The following GRIK1 variants were observed in gnomAD, a reference collection of about 807,000 sequenced individuals.
GRIK1 encodes glutamate receptor ionotropic, kainate 1.
A neutral mutation model predicts 105.7 loss-of-function variants in GRIK1; 69 were observed. The observed-to-expected ratio is 0.65, with a 90% CI of 0.54 to 0.80. The LOEUF (loss-of-function observed/expected upper bound fraction) is 0.80, where lower values mean the gene tolerates loss of function less well. Ranked by LOEUF, GRIK1 falls within the 30% of genes least tolerant of loss-of-function variation. The probability of loss-of-function intolerance (pLI) is 0.00; values close to 1 mark genes in which losing one functional copy is unlikely to be tolerated. For synonymous variants in GRIK1, 438 were observed against 431.3 expected, an observed-to-expected ratio of 1.02 and a Z score of -0.19; for missense variants, 1,109 against 1,167.3, an observed-to-expected ratio of 0.95 and a Z score of 0.73.
chr21:29,768,697 A>T (rs2065737427), intron 1 of GRIK1, among the ~76,000 whole-genome samples: 1 of 152,244 alleles, frequency 6.6e-6, no homozygotes, highest in Admixed American at 6.5e-5. Context: ...GGGGAGGAAG[A>T]GAGAGGCAGC....
intron 1 of GRIK1, among the ~76,000 whole-genome samples, chr21:29,799,550 G>A (rs986013204): frequency 5.3e-5 from 8 of 151,982 alleles, no homozygotes; most frequent in Middle Eastern, 3.2e-3. Context: ...TGTTTTTTGA[G>A]ATGGAGTCTC....
chr21:29,610,517 TG>T lies in GRIK1; in HGVS notation c.1099-11581del, dbSNP rs569884149. ...AAGATGCTACTTTCAATTGAAAGATTGCTGGCTTTGAGGATGGAGGAAAGGG... is the reference window on the plus strand; with the variant it reads ...AAGATGCTACTTTCAATTGAAAGATTCTGGCTTTGAGGATGGAGGAAAGGG... On this transcript the variant is annotated intron_variant, in intron 7 of 17. Coordinates refer to ENST00000327783, the MANE Select transcript of GRIK1 (RefSeq NM_001330994.2). Among the ~76,000 whole-genome samples, 423 of 152,260 alleles carry T rather than the reference TG, an allele frequency of 2.8e-3. 2 individuals carry two copies. The highest frequency in any genetic ancestry group is 6.8e-3 in the Middle Eastern group (2 of 294).
At chr21:29,609,884 C>T (rs755810776) in intron 7 of GRIK1, among the ~76,000 whole-genome samples, 10 of 152,150 alleles carry the variant, frequency 6.6e-5, no homozygotes, top group Non-Finnish European at 1.0e-4. Flanking sequence ...CTGTCTCTCT[C>T]TCTCCTATTG....
intron 1 of GRIK1, among the ~76,000 whole-genome samples, chr21:29,755,062 C>A (rs746436206): frequency 6.6e-6 from 1 of 152,144 alleles, no homozygotes; most frequent in Non-Finnish European, 1.5e-5. Context: ...ATGTTATTTT[C>A]TGTATAATCC....
At chr21:29,867,926 AAG>A (rs1251030216) in intron 1 of GRIK1, among the ~76,000 whole-genome samples, 10 of 125,990 alleles carry the variant, frequency 7.9e-5, no homozygotes, top group African/African-American at 1.6e-4. Flanking sequence ...GAAAGAGAGA[AAG>A]AGAGAGAAAG....
intron 1 of GRIK1, among the ~76,000 whole-genome samples, chr21:29,718,027 C>G (rs1226543699): frequency 1.3e-5 from 2 of 152,084 alleles, no homozygotes; most frequent in Non-Finnish European, 2.9e-5. Context: ...GACATTTCCC[C>G]CTTTGCTTGG....
At chr21:29,596,149 T>G in intron 9 of GRIK1, 1 of 359,658 alleles carries the variant, frequency 2.8e-6, no homozygotes, top group East Asian at 7.1e-5. Flanking sequence ...ATCAAATCTA[T>G]TGTGATTTTT....
intron 14 of GRIK1, among the ~76,000 whole-genome samples, chr21:29,572,962 G>T (rs915446223): frequency 2.0e-5 from 3 of 151,940 alleles, no homozygotes; most frequent in Non-Finnish European, 2.9e-5. Context: ...TAGTAGGGAC[G>T]GGGTTTCTCC....
intron 7 of GRIK1, among the ~76,000 whole-genome samples, chr21:29,632,413 T>C (rs1489857849): frequency 6.6e-6 from 1 of 151,674 alleles, no homozygotes; most frequent in Non-Finnish European, 1.5e-5. Context: ...TAGTGAAAAA[T>C]GAATGAACTG....
At chr21:29,724,855 G>T (rs576043832) in intron 1 of GRIK1, among the ~76,000 whole-genome samples, 1 of 152,032 alleles carries the variant, frequency 6.6e-6, no homozygotes, top group South Asian at 2.1e-4. Flanking sequence ...GTTTTATTTT[G>T]TTATCTTAAT....
At chr21:29,888,944 T>C (rs1289021125) in intron 1 of GRIK1, among the ~76,000 whole-genome samples, 1 of 152,162 alleles carries the variant, frequency 6.6e-6, no homozygotes, top group Non-Finnish European at 1.5e-5. Context: ...AAATATTCCA[T>C]CCTGTTTTTT....
intron 13 of GRIK1, among the ~76,000 whole-genome samples, chr21:29,579,819 G>A (rs942514944): frequency 3.3e-5 from 5 of 152,004 alleles, no homozygotes; most frequent in South Asian, 2.1e-4. Flanking sequence ...TGCTGTGGAT[G>A]ATGGTAAACT....
At chr21:29,681,169 T>C (rs556047211) in intron 3 of GRIK1, among the ~76,000 whole-genome samples, 66 of 152,212 alleles carry the variant, frequency 4.3e-4, no homozygotes, top group Non-Finnish European at 8.2e-4. Context: ...ACATAGTACA[T>C]ATAGGGTTCA....
chr21:29,704,597 C>G (rs1429715733), intron 1 of GRIK1, among the ~76,000 whole-genome samples: 3 of 152,200 alleles, frequency 2.0e-5, no homozygotes, highest in Non-Finnish European at 4.4e-5. Flanking sequence ...TACTCTCCTT[C>G]TTGTGCCTTA....
intron 1 of GRIK1, among the ~76,000 whole-genome samples, chr21:29,761,724 C>G (rs1366001798): frequency 5.5e-5 from 8 of 146,424 alleles, no homozygotes; most frequent in Non-Finnish European, 6.0e-5. Context: ...TCTTTCTTTC[C>G]TTCCTTCCTT....
intron 1 of GRIK1, among the ~76,000 whole-genome samples, chr21:29,712,662 G>A (rs945641641): frequency 1.3e-4 from 20 of 152,180 alleles, no homozygotes; most frequent in Middle Eastern, 3.4e-3. Context: ...ATTGTATTTC[G>A]TTGGATTGCT....
At chr21:29,593,330 A>G (rs2061358877) in intron 9 of GRIK1, among the ~76,000 whole-genome samples, 1 of 152,186 alleles carries the variant, frequency 6.6e-6, no homozygotes, top group South Asian at 2.1e-4. Flanking sequence ...TGTGATAAAT[A>G]TCACCTAGAA....
chr21:29,905,593 G>A (rs886968073), intron 1 of GRIK1, among the ~76,000 whole-genome samples: 17 of 144,920 alleles, frequency 1.2e-4, no homozygotes, highest in African/African-American at 4.1e-4. Context: ...TTACAAACAC[G>A]CACCATCATG....
At chr21:29,595,135 G>T (rs2061386567) in intron 9 of GRIK1, among the ~76,000 whole-genome samples, 1 of 152,078 alleles carries the variant, frequency 6.6e-6, no homozygotes, top group Non-Finnish European at 1.5e-5. Flanking sequence ...TGGGCTACCA[G>T]GAGGGAAGAG....
Sources: gnomAD v4.1 joint callset for allele counts (sites outside exome capture counted in the v4.1 genomes callset) on GRCh38, gnomAD v4.1.1 for gene constraint, MANE v1.5 for transcripts, NCBI Gene and HGNC (gene_info 2026-07-23, HGNC 2026-07-21) for gene names.